Variants in C16orf96 observed in about 807,000 individuals in gnomAD.
C16orf96 encodes the protein uncharacterized protein C16orf96.
Under a neutral mutation model 103.6 loss-of-function variants are expected in C16orf96, and 108 were observed. The observed-to-expected ratio is 1.04, with a 90% CI of 0.89 to 1.22. The LOEUF (loss-of-function observed/expected upper bound fraction) is 1.22. Among genes scored for constraint, C16orf96 ranks in the 50% most tolerant of loss-of-function variants. The pLI is 0.00. For missense variants in C16orf96, 1,586 were observed against 1,464.2 expected, an observed-to-expected ratio of 1.08 and a Z score of -1.36; for synonymous variants, 566 against 593.5, an observed-to-expected ratio of 0.95 and a Z score of 0.67.
chr16:4,562,080 C>A (rs912474668), intron 1 of C16orf96, among the ~76,000 whole-genome samples: 9 of 152,082 alleles, frequency 5.9e-5, no homozygotes, highest in Admixed American at 5.9e-4. Flanking sequence ...AGATGCATCG[C>A]CACTGCATTA....
Position 4,593,142 on chromosome 16 carries a change from C to T in C16orf96, c.2775-82C>T, listed in dbSNP as rs1897096744. The T allele has an allele frequency of 7.5e-7, 1 of 1,338,552 alleles. No homozygotes were observed. Among genetic ancestry groups the T allele is most frequent in the Non-Finnish European group, 1.0e-6 (1 of 957,904 alleles). The allele number at this position is 1,338,552 out of a possible 1,614,324, so 82.9% of individuals were successfully genotyped here. ...CACCTCCTTCCTCCTGCTGGGAAGG[C>T]TTCCTGGAGGGGTGGGAGACGAGCC... is the stretch of plus-strand genomic sequence containing the variant. On this transcript the variant is annotated intron_variant, in intron 11 of 15. Coordinates refer to ENST00000444310, the MANE Select transcript of C16orf96 (RefSeq NM_001145011.2). The surrounding 1 kb of genome is among the most constrained non-coding windows in gnomAD (Gnocchi z 4.2).
intron 1 of C16orf96, chr16:4,561,025 GC>G (rs1176818121): frequency 6.6e-6 from 1 of 152,088 alleles, no homozygotes; most frequent in Non-Finnish European, 1.5e-5. Context: ...GATGGCACAT[GC>G]CTGTAATCCC....
the C16orf96 span, among the ~76,000 whole-genome samples, chr16:4,551,328 C>T: frequency 6.6e-6 from 1 of 152,078 alleles, no homozygotes; most frequent in African/African-American, 2.4e-5. Context: ...AAACTGGCCA[C>T]ACCAGCGTGC....
Position 4,556,931 on chromosome 16 carries a change from ACTT to A in C16orf96, c.420+26_420+28del, listed in dbSNP as rs2059271178. The A allele has an allele frequency of 2.6e-6, 4 of 1,518,068 alleles. No individual in the cohort carries two copies. The East Asian group carries it at 7.4e-5, about 28-fold the overall frequency. 94.0% of individuals were successfully genotyped at this position (1,518,068 alleles called of 1,614,324 possible). A position where few individuals can be genotyped will look rare whatever the true frequency, so the allele number is the denominator to read the frequency against. On this transcript the variant is annotated intron_variant, in intron 1 of 15. Transcript: ENST00000444310. ...CAAGGTACGCCCCCAGCCTCCAGAC[ACTT>A]CTTTTCCTCCCTTCACCACTGGCTC...
chr16:4,539,956 A>G, the C16orf96 span, among the ~76,000 whole-genome samples: 1 of 152,134 alleles, frequency 6.6e-6, no homozygotes, highest in Non-Finnish European at 1.5e-5. Context: ...TTGGCAGCTT[A>G]TCTACCAAAT....
chr16:4,565,460 G>A (rs1284939814), intron 1 of C16orf96, among the ~76,000 whole-genome samples: 2 of 152,232 alleles, frequency 1.3e-5, no homozygotes, highest in African/African-American at 2.4e-5. Flanking sequence ...CACAGAGGGG[G>A]AGGTTGTAGT....
chr16:4,576,694 T>C (rs2059514656), intron 5 of C16orf96, 59 bp downstream of exon 5: 1 of 1,450,526 alleles, frequency 6.9e-7, no homozygotes, highest in African/African-American at 1.4e-5. Context: ...CTGCAGCCTT[T>C]GAGAAGTGTG....
At chr16:4,566,317 T>C (rs1159384615) in intron 1 of C16orf96, among the ~76,000 whole-genome samples, 2 of 152,220 alleles carry the variant, frequency 1.3e-5, no homozygotes, top group Middle Eastern at 3.2e-3. Flanking sequence ...AGAATTACGA[T>C]TTCTCCTTAT....
intron 14 of C16orf96, among the ~76,000 whole-genome samples, chr16:4,598,391 A>G (rs1231535795): frequency 6.6e-6 from 1 of 151,970 alleles, no homozygotes; most frequent in Non-Finnish European, 1.5e-5. Flanking sequence ...TGTCCAGAAT[A>G]GAAAAATCTA....
chr16:4,575,301 C>T lies in C16orf96; in HGVS notation c.821C>T (p.Pro274Leu). The T allele has an allele frequency of 6.4e-6, 10 of 1,551,252 alleles. No homozygotes were observed. Among genetic ancestry groups the T allele is most frequent in the Non-Finnish European group, 8.7e-6 (10 of 1,146,992 alleles). The change falls in exon 5 of 16, where the codon CCC becomes CTC. Residue 274 changes from proline to leucine, a missense_variant. Coordinates refer to ENST00000444310, the MANE Select transcript of C16orf96 (RefSeq NM_001145011.2). ...CAGGTCTCCGAGCCCGTCCAAAACCCCCAGCTACTGCAGACTGTCTGGCAT... is the reference window on the plus strand; with the variant it reads ...CAGGTCTCCGAGCCCGTCCAAAACCTCCAGCTACTGCAGACTGTCTGGCAT... ...AIQVSEPVQNPQLLQTVWHYE... is the reference protein window; with the variant it reads ...AIQVSEPVQNLQLLQTVWHYE...
At chr16:4,557,997 AGGAGCTACCAT>A (rs1596511312) in intron 1 of C16orf96, among the ~76,000 whole-genome samples, 1 of 152,202 alleles carries the variant, frequency 6.6e-6, no homozygotes, top group East Asian at 1.9e-4. Context: ...AAATGCCTGG[AGGAGCTACCAT>A]GGGAGAAGTA....
chr16:4,554,963 C>T (rs2059249167), upstream of C16orf96, among the ~76,000 whole-genome samples: 1 of 151,844 alleles, frequency 6.6e-6, no homozygotes, highest in African/African-American at 2.4e-5. Flanking sequence ...GCTCTCCTTC[C>T]CAGAAAATGG....
upstream of C16orf96, among the ~76,000 whole-genome samples, chr16:4,552,490 A>G (rs1406119352): frequency 2.0e-5 from 3 of 151,736 alleles, no homozygotes; most frequent in Admixed American, 2.0e-4. Context: ...TCAAAAAAAA[A>G]AAAAAAAAAA....
chr16:4,557,040 G>T (rs191095995), intron 1 of C16orf96, 131 bp downstream of exon 1: 541 of 1,052,038 alleles, frequency 5.1e-4, no homozygotes, highest in Admixed American at 8.2e-4. Flanking sequence ...TGTGATCTTG[G>T]CTCACTGCAA....
the C16orf96 span, among the ~76,000 whole-genome samples, chr16:4,542,412 C>G: frequency 1.3e-5 from 2 of 151,992 alleles, no homozygotes; most frequent in African/African-American, 4.8e-5. Context: ...TTCCCAGTAA[C>G]CACATTAAAA....
intron 9 of C16orf96, among the ~76,000 whole-genome samples, chr16:4,589,204 C>T (rs920942870): frequency 6.6e-6 from 1 of 152,090 alleles, no homozygotes; most frequent in African/African-American, 2.4e-5. Flanking sequence ...GTTGTTTAGC[C>T]CCCTCCCACA....
chr16:4,600,337 C>T lies in C16orf96; in HGVS notation c.*20C>T, dbSNP rs746790133. ...CCGTGAGCCCCACCCCGCTGCGCCC[C>T]CCATCGCCAAGTCCCCTCCACGTCC... On this transcript the variant is annotated 3_prime_UTR_variant, in exon 16 of 16. Coordinates refer to ENST00000444310, the MANE Select transcript of C16orf96 (RefSeq NM_001145011.2). 1.3e-6 allele frequency: 2 copies of T among 1,519,320 alleles called. No individual in the cohort carries two copies. The highest frequency in any genetic ancestry group is 1.4e-5 in the African/African-American group (1 of 72,462). The allele number at this position is 1,519,320 out of a possible 1,614,324, so 94.1% of individuals were successfully genotyped here.
At chr16:4,571,202 T>C (rs1190632191) in intron 1 of C16orf96, among the ~76,000 whole-genome samples, 1 of 151,870 alleles carries the variant, frequency 6.6e-6, no homozygotes, top group Non-Finnish European at 1.5e-5. Context: ...AAAAAGTAAA[T>C]GCAACCCTGT....
Position 4,572,220 on chromosome 16 carries a change from A to T in C16orf96, c.525+555A>T, listed in dbSNP as rs535595071. On this transcript the variant is annotated intron_variant, in intron 2 of 15. Transcript: ENST00000444310. ...GTGACAGAAATCACGTTCATCCTGG[A>T]TTAGGCAAAATAAGGGATTTATTGT... Among the ~76,000 whole-genome samples the T allele has an allele frequency of 3.9e-5, 6 of 151,996 alleles. No individual in the cohort carries two copies. The South Asian group carries it at 1.2e-3, about 32-fold the overall frequency.
Sources: allele counts gnomAD v4.1 joint callset (sites outside exome capture counted in the v4.1 genomes callset), GRCh38; gene constraint gnomAD v4.1.1; non-coding constraint Gnocchi (gnomAD v3.1); transcripts MANE v1.5; gene names NCBI Gene and HGNC (gene_info 2026-07-23, HGNC 2026-07-21).